DYRK4: variants seen among roughly 807,000 people sequenced by gnomAD.
DYRK4 encodes dual specificity tyrosine phosphorylation regulated kinase 4, also known as dual specificity tyrosine-phosphorylation-regulated kinase 4.
In DYRK4, 64 loss-of-function variants were observed where a neutral mutation model predicts 68.3. That is an observed-to-expected ratio of 0.94 (90% CI 0.77 to 1.15). DYRK4 has a LOEUF of 1.15. Among genes scored for constraint, DYRK4 ranks in the 50% most tolerant of loss-of-function variants. DYRK4 has a pLI of 0.00. For synonymous variants in DYRK4, 274 were observed against 289.9 expected (o/e 0.95, Z 0.56); for missense variants, 740 against 764.7 (o/e 0.97, Z 0.38).
At chr12:4,584,918 G>A (rs1489388746) in intron 2 of DYRK4, among the ~76,000 whole-genome samples, 1 of 152,120 alleles carries the variant, frequency 6.6e-6, no homozygotes, top group African/African-American at 2.4e-5. Context: ...TGAAACATGA[G>A]GATGGAGTTT....
At chr12:4,606,672 G>A (rs183852530) in intron 11 of DYRK4, among the ~76,000 whole-genome samples, 1 of 152,288 alleles carries the variant, frequency 6.6e-6, no homozygotes, top group Non-Finnish European at 1.5e-5. Flanking sequence ...ATACCAAAGA[G>A]AACGGGGCCT....
chr12:4,604,821 G>A, intron 10 of DYRK4, 93 bp from the exon 11 acceptor site: 2 of 1,414,166 alleles, frequency 1.4e-6, no homozygotes, highest in Non-Finnish European at 1.9e-6. Context: ...CTGCCAGCGG[G>A]GGCGCAGTCT....
At position 4,591,177 on chromosome 12, in the gene DYRK4, T is replaced by A. The variant is rs768569980; in HGVS notation, c.342T>A (p.Asn114Lys). The change falls in exon 5 of 15, where the codon AAT becomes AAA. Residue 114 changes from asparagine (N) to lysine (K), a missense_variant. This residue lies in a region of DYRK4 where 56 missense variants were observed against 89.9 expected (regional missense o/e 0.62). Coordinates refer to ENST00000543431, the MANE Select transcript of DYRK4 (RefSeq NM_001394779.1). This position sits in a 1 kb window ranked among gnomAD's most constrained non-coding sequence, Gnocchi z 4.1. ...CTGGACAGGAGAATCAAGCTCACAA[T>A]CAGATGCCGGCCTCAGAGCTCAAGG... ...SLLYQENQAH[N>K]QMPASELKAS... 1.2e-6 allele frequency: 2 copies of A among 1,614,026 alleles called. No individual in the cohort carries two copies. The highest frequency in any genetic ancestry group is 1.7e-5 in the Admixed American group (1 of 60,012).
chr12:4,603,637 A>G (rs1231387729), intron 10 of DYRK4, among the ~76,000 whole-genome samples: 1 of 152,208 alleles, frequency 6.6e-6, no homozygotes, highest in Non-Finnish European at 1.5e-5. Context: ...TGGCAACAGC[A>G]TGCCTCTGTG....
chr12:4,612,781 G>T (rs952863272), intron 14 of DYRK4, 63 bp downstream of exon 14: 1 of 1,559,610 alleles, frequency 6.4e-7, no homozygotes, highest in African/African-American at 1.4e-5. Flanking sequence ...CTAGAATTCT[G>T]TAAATCTCCT....
intron 10 of DYRK4, chr12:4,601,964 A>G (rs1419765379): frequency 6.9e-6 from 2 of 291,040 alleles, no homozygotes; most frequent in Non-Finnish European, 1.3e-5. Flanking sequence ...TGAATTGATC[A>G]TTTTCTATTT....
At chr12:4,571,862 C>A (rs746395091) in intron 2 of DYRK4, among the ~76,000 whole-genome samples, 4 of 152,192 alleles carry the variant, frequency 2.6e-5, no homozygotes, top group Non-Finnish European at 4.4e-5. Context: ...GGACACTGCA[C>A]AATGGCAAAG....
At position 4,596,816 on chromosome 12, in the gene DYRK4, G is replaced by C. The variant is rs1041911049; in HGVS notation, c.905+87G>C. On this transcript the variant is annotated intron_variant, in intron 8 of 14. Coordinates refer to ENST00000543431, the MANE Select transcript of DYRK4 (RefSeq NM_001394779.1). The stretch of plus-strand genomic sequence containing the variant: ...GAGGTCAGAACACTAGATTTCTCTG[G>C]ATGTGAATATTTAGTAACTAGAATG... The C allele has an allele frequency of 1.5e-5, 23 of 1,584,082 alleles. No homozygotes were observed. The African/African-American group carries it at 2.9e-4, about 20-fold the overall frequency.
In DYRK4 at chr12:4,591,310, G is replaced by C. The variant is rs758397333; in HGVS notation, c.463+12G>C. The C allele has an allele frequency of 6.2e-7, 1 of 1,613,422 alleles. No homozygotes were observed. The highest frequency in any genetic ancestry group is 8.5e-7 in the Non-Finnish European group (1 of 1,179,738). On this transcript the variant is annotated intron_variant, in intron 5 of 14. Coordinates refer to ENST00000543431, the MANE Select transcript of DYRK4 (RefSeq NM_001394779.1). The surrounding 1 kb of genome is among the most constrained non-coding windows in gnomAD (Gnocchi z 4.1). Reference sequence around the variant, plus strand: ...TCTGACAGCGGCAGGTATGCCTTTGGGGCAGTAGCAGGGTGGGGAGGTGCT... The same window carrying C: ...TCTGACAGCGGCAGGTATGCCTTTGCGGCAGTAGCAGGGTGGGGAGGTGCT...
intron 8 of DYRK4, among the ~76,000 whole-genome samples, chr12:4,598,255 T>C (rs1945040876): frequency 6.6e-6 from 1 of 152,128 alleles, no homozygotes; most frequent in African/African-American, 2.4e-5. Flanking sequence ...CTACCAAAGC[T>C]AGATGATCTT....
At chr12:4,581,696 C>T (rs1457955666) in intron 2 of DYRK4, among the ~76,000 whole-genome samples, 8 of 152,182 alleles carry the variant, frequency 5.3e-5, no homozygotes, top group African/African-American at 1.9e-4. Context: ...CTAGAGTTGT[C>T]TCAGATCTTT....
At chr12:4,590,264 A>T (rs1412130456) in intron 3 of DYRK4, 66 bp from the exon 4 acceptor site, 1 of 1,473,628 alleles carries the variant, frequency 6.8e-7, no homozygotes, top group African/African-American at 1.4e-5. Flanking sequence ...AGGCTGGAAG[A>T]AATGACCCCT....
chr12:4,598,287 A>G (rs968374603), intron 8 of DYRK4, among the ~76,000 whole-genome samples: 5 of 152,210 alleles, frequency 3.3e-5, no homozygotes, highest in Non-Finnish European at 7.3e-5. Context: ...ATGAGGAGGA[A>G]CCAGCAGAAG....
rs766698337 is a variant in DYRK4 at position 4,586,302 on chromosome 12, C to G, written c.133-2635C>G. On this transcript the variant is annotated intron_variant, in intron 2 of 14. Transcript: ENST00000543431. The stretch of plus-strand genomic sequence containing the variant: ...CTTAGACTGCACAGGAAGCACCCCC[C>G]TGCTCTGGACCCCTGTGAATAAAAT... Among the ~76,000 whole-genome samples the G allele has an allele frequency of 2.6e-5, 4 of 152,178 alleles. No homozygotes were observed. The East Asian group carries it at 7.7e-4, about 29-fold the overall frequency.
intron 7 of DYRK4, 64 bp from the exon 8 acceptor site, chr12:4,596,525 G>A (rs890833665): frequency 1.3e-5 from 21 of 1,575,654 alleles, no homozygotes; most frequent in East Asian, 2.3e-5. Flanking sequence ...CTGCTGCAGC[G>A]GGACCTGACA....
In DYRK4 at chr12:4,567,917, T is replaced by G. The variant is rs570415264; in HGVS notation, c.39-38T>G. On this transcript the variant is annotated intron_variant, in intron 1 of 14. Coordinates refer to ENST00000543431, the MANE Select transcript of DYRK4 (RefSeq NM_001394779.1). ...GTGTGGGCCATTACTTAGATTTGAC[T>G]CCTCCTGCCAATTTATTTTTTACTT... The G allele has an allele frequency of 1.7e-5, 26 of 1,509,676 alleles. No individual in the cohort carries two copies. In the East Asian group the frequency reaches 2.9e-4, roughly 17 times the overall value. The allele number at this position is 1,509,676 out of a possible 1,614,324, so 93.5% of individuals were successfully genotyped here.
At chr12:4,602,108 A>G (rs1945088087) in intron 10 of DYRK4, 64 of 521,142 alleles carry the variant, frequency 1.2e-4, no homozygotes, top group South Asian at 1.2e-3. Context: ...TACTTCTTTC[A>G]TAGGCTGATA....
chr12:4,569,886 G>A (rs896028541), intron 2 of DYRK4, among the ~76,000 whole-genome samples: 2 of 152,060 alleles, frequency 1.3e-5, no homozygotes, highest in Non-Finnish European at 1.5e-5. Context: ...CTCTGTTGCA[G>A]TTACGATGAC....
At chr12:4,562,865 A>G (rs1231324579) in intron 1 of DYRK4, among the ~76,000 whole-genome samples, 1 of 151,980 alleles carries the variant, frequency 6.6e-6, no homozygotes, top group Non-Finnish European at 1.5e-5. Flanking sequence ...GGAAATTCCC[A>G]ATATTAGCAA....
Sources: allele counts gnomAD v4.1 joint callset (sites outside exome capture counted in the v4.1 genomes callset), GRCh38; gene constraint gnomAD v4.1.1; regional missense constraint gnomAD v4.1.1; non-coding constraint Gnocchi (gnomAD v3.1); transcripts MANE v1.5; gene names NCBI Gene and HGNC (gene_info 2026-07-23, HGNC 2026-07-21).